MLXIP: variants seen among roughly 807,000 people sequenced by gnomAD.
MLXIP encodes the protein MLX interacting protein.
MLXIP carries 30 observed loss-of-function variants against 87.2 expected under a neutral mutation model. That is an observed-to-expected ratio of 0.34 (90% CI 0.26 to 0.47). The LOEUF (loss-of-function observed/expected upper bound fraction) is 0.47, where lower values mean the gene tolerates loss of function less well. Among genes scored for constraint, MLXIP ranks in the 20% least tolerant of loss-of-function variants. The pLI is 1.00. For synonymous variants in MLXIP, 530 were observed against 514.0 expected, an observed-to-expected ratio of 1.03 and a Z score of -0.42; for missense variants, 1,002 against 1,240.1, an observed-to-expected ratio of 0.81 and a Z score of 2.88.
chr12:122,111,609 T>C (rs1051118852), intron 1 of MLXIP, among the ~76,000 whole-genome samples: 8 of 152,216 alleles, frequency 5.3e-5, no homozygotes, highest in Non-Finnish European at 1.2e-4. Flanking sequence ...AGCTGCCATA[T>C]CAGCTAGGTG....
chr12:122,100,365 C>T (rs551515788), intron 1 of MLXIP, among the ~76,000 whole-genome samples: 2 of 152,270 alleles, frequency 1.3e-5, no homozygotes, highest in Non-Finnish European at 1.5e-5. Flanking sequence ...TTGATATTAA[C>T]CAGTTTTCTA....
In MLXIP at chr12:122,137,278, T is replaced by C. The variant is rs1953109482; in HGVS notation, c.2033-191T>C. 4 of 541,502 alleles carry C rather than the reference T, an allele frequency of 7.4e-6. No individual in the cohort carries two copies. Among genetic ancestry groups the C allele is most frequent in the Non-Finnish European group, 1.2e-5 (4 of 325,608 alleles). 33.5% of individuals were successfully genotyped at this position (541,502 alleles called of 1,614,324 possible). On this transcript the variant is annotated intron_variant, in intron 11 of 16. Transcript: ENST00000319080. The surrounding 1 kb of genome is among the most constrained non-coding windows in gnomAD (Gnocchi z 4.1). ...GTGTGGATTAAGGGTGTTTTTGTTG[T>C]TGTTATTAATTTAAGATTTTCAGGG...
rs370042515 is a variant in MLXIP, at chr12:122,110,884, T to C, written c.414-16372T>C. 6.2e-4 allele frequency among the ~76,000 whole-genome samples: 95 copies of C among 152,156 alleles called. 1 individual carries two copies. The East Asian group carries it at 8.2e-3, about 13-fold the overall frequency. ...CGAGGTCAGGAGATCGAGACCATCC[T>C]GGCTAACATGGTGAAACCCCGTCTC... is the stretch of plus-strand genomic sequence containing the variant. On this transcript the variant is annotated intron_variant, in intron 1 of 16. Transcript: ENST00000319080.
At chr12:122,085,622 TTTTG>T (rs940638650) in intron 1 of MLXIP, among the ~76,000 whole-genome samples, 2 of 152,170 alleles carry the variant, frequency 1.3e-5, no homozygotes, top group African/African-American at 2.4e-5. Context: ...CAGGCTGTTT[TTTTG>T]TTTGTTTGTT....
intron 1 of MLXIP, among the ~76,000 whole-genome samples, chr12:122,098,081 T>C (rs537748581): frequency 2.0e-5 from 3 of 152,362 alleles, no homozygotes; most frequent in African/African-American, 7.2e-5. Flanking sequence ...CCAGCTGCGC[T>C]GCGCCTGATA....
At chr12:122,087,789 G>A (rs1048741697) in intron 1 of MLXIP, among the ~76,000 whole-genome samples, 3 of 152,166 alleles carry the variant, frequency 2.0e-5, no homozygotes, top group Admixed American at 6.5e-5. Flanking sequence ...TACCAGTTGG[G>A]CGGTTGTGGA....
Position 122,135,190 on chromosome 12 carries a change from G to C in MLXIP, c.1733-34G>C. ...AGGGTGGGCCAGGCCCTGTGGCCCA[G>C]GGCTGCACCTGAACATCCTCCTTAT... is the stretch of plus-strand genomic sequence containing the variant. On this transcript the variant is annotated intron_variant, in intron 9 of 16. Transcript: ENST00000319080. The surrounding 1 kb of genome is among the most constrained non-coding windows in gnomAD (Gnocchi z 5.3). 6.2e-7 allele frequency: 1 copy of C among 1,608,758 alleles called. No individual in the cohort carries two copies.
intron 3 of MLXIP, 168 bp downstream of exon 3, chr12:122,128,136 C>G (rs1334688232): frequency 3.3e-6 from 2 of 607,614 alleles, no homozygotes; most frequent in Non-Finnish European, 5.9e-6. Context: ...TGGCCTCTGG[C>G]AACCCCAGGC....
intron 1 of MLXIP, among the ~76,000 whole-genome samples, chr12:122,110,226 G>A (rs932973455): frequency 6.6e-6 from 1 of 152,174 alleles, no homozygotes. Flanking sequence ...GCCGAGGCAG[G>A]AGGATTGCTT....
rs772124197 is a variant in MLXIP at position 122,130,108 on chromosome 12, A to C, written c.906A>C (p.Glu302Asp). 1 of 1,613,188 alleles carries C rather than the reference A, an allele frequency of 6.2e-7. No homozygotes were observed. Residue 302 changes from glutamate to aspartate, a missense_variant, in exon 6 of 17, where the codon GAA (glutamate) becomes GAC (aspartate). By Grantham distance (45) the Glu-to-Asp change is conservative. Around this residue, in one of 3 missense-constraint regions of MLXIP, gnomAD observed 746 missense variants for 897.0 expected, o/e 0.83. Transcript: ENST00000319080. ...CGGTGGCCTGGCCCAATCCCCGGGAAATAGGTAACCCAAACCAGGGCCTTG... is the reference window on the plus strand; with the variant it reads ...CGGTGGCCTGGCCCAATCCCCGGGACATAGGTAACCCAAACCAGGGCCTTG... ...HQPVAWPNPREIAHLGNADMI... is the reference protein window; with the variant it reads ...HQPVAWPNPRDIAHLGNADMI...
At chr12:122,129,889 C>A in intron 5 of MLXIP, 52 bp from the exon 6 acceptor site, 1 of 1,564,804 alleles carries the variant, frequency 6.4e-7, no homozygotes, top group Non-Finnish European at 8.7e-7. Context: ...GGGAATTCTT[C>A]GTCCCACTGT....
At chr12:122,094,411 GT>G (rs1952311442) in intron 1 of MLXIP, among the ~76,000 whole-genome samples, 1 of 143,554 alleles carries the variant, frequency 7.0e-6, no homozygotes, top group African/African-American at 2.6e-5. Flanking sequence ...GGTGTGTGTG[GT>G]GTGTGTGGGG....
intron 1 of MLXIP, among the ~76,000 whole-genome samples, chr12:122,120,278 AG>A (rs1952758523): frequency 6.6e-6 from 1 of 150,952 alleles, no homozygotes; most frequent in South Asian, 2.1e-4. Flanking sequence ...GCTGGAGTGC[AG>A]TGGTACAATA....
rs1207089614 is a variant in MLXIP, at chr12:122,083,689, C to T, written c.413+4423C>T. On this transcript the variant is annotated intron_variant, in intron 1 of 16. Transcript: ENST00000319080. ...TCAGCCTCCCAAAATGCTGGGATTA[C>T]AGGCGTGAGCCACCGGGCCCGGCTA... 7.2e-5 allele frequency among the ~76,000 whole-genome samples: 11 copies of T among 152,332 alleles called. No homozygotes were observed. The East Asian group carries it at 2.1e-3, about 29-fold the overall frequency.
intron 1 of MLXIP, among the ~76,000 whole-genome samples, chr12:122,119,050 T>C (rs2135954826): frequency 6.6e-6 from 1 of 151,620 alleles, no homozygotes; most frequent in East Asian, 2.0e-4. Flanking sequence ...GCATCTGTAG[T>C]CCCAGCTACT....
At chr12:122,134,250 A>T (rs1393911913) in intron 9 of MLXIP, 1 of 480,026 alleles carries the variant, frequency 2.1e-6, no homozygotes. Context: ...GCTGGAGTGC[A>T]GTGGCATAAT....
chr12:122,130,789 T>A (rs558387407), intron 6 of MLXIP, 55 bp from the exon 7 acceptor site: 2 of 1,288,850 alleles, frequency 1.6e-6, no homozygotes, highest in African/African-American at 2.9e-5. Flanking sequence ...TTTTTTACGT[T>A]CCTGCAACAT....
At chr12:122,128,078 C>G (rs10847611) in intron 3 of MLXIP, 110 bp downstream of exon 3, 679,238 of 971,772 alleles carry the variant, frequency 0.7, 238,634 homozygotes, top group African/African-American at 0.83. Flanking sequence ...GGTAGTGCAG[C>G]GCCTGCCCTG....
rs189833443 is a variant in MLXIP, at chr12:122,112,490, A to T, written c.414-14766A>T. Among the ~76,000 whole-genome samples, 22 of 152,074 alleles carry T rather than the reference A, an allele frequency of 1.4e-4. No individual in the cohort carries two copies. The South Asian group carries it at 1.7e-3, about 12-fold the overall frequency. On this transcript the variant is annotated intron_variant, in intron 1 of 16. Transcript: ENST00000319080. The stretch of plus-strand genomic sequence containing the variant: ...CATCTCTACTAAAAATATATATATA[A>T]AAAAATAGCCGGACGTGGTGGTGGC...
Sources: gnomAD v4.1 joint callset for allele counts (sites outside exome capture counted in the v4.1 genomes callset) on GRCh38, gnomAD v4.1.1 for gene constraint, gnomAD v4.1.1 regional missense constraint, Gnocchi (gnomAD v3.1) non-coding constraint, MANE v1.5 for transcripts, NCBI Gene and HGNC (gene_info 2026-07-23, HGNC 2026-07-21) for gene names.